The following HMCN1 variants were observed in gnomAD, a reference collection of about 807,000 sequenced individuals.
HMCN1 encodes hemicentin-1.
In HMCN1, 321 loss-of-function variants were observed where a neutral mutation model predicts 625.9. That is an observed-to-expected ratio of 0.51 (90% CI 0.47 to 0.56). HMCN1 has a LOEUF of 0.56. Ranked by LOEUF, HMCN1 falls within the 20% of genes least tolerant of loss-of-function variation. The probability of loss-of-function intolerance (pLI) is 0.00; values close to 1 mark genes in which losing one functional copy is unlikely to be tolerated. For synonymous variants in HMCN1, 2,425 were observed against 2,417.6 expected (o/e 1.00, Z -0.09); for missense variants, 6,588 against 6,887.3 (o/e 0.96, Z 1.54).
intron 11 of HMCN1, among the ~76,000 whole-genome samples, chr1:185,935,904 G>A (rs1177634671): frequency 6.6e-6 from 1 of 152,124 alleles, no homozygotes; most frequent in Non-Finnish European, 1.5e-5. Context: ...ATGATAATAT[G>A]AGAAATGATA....
chr1:186,188,120 C>A, intron 106 of HMCN1, 111 bp downstream of exon 106: 1 of 1,281,024 alleles, frequency 7.8e-7, no homozygotes, highest in South Asian at 1.2e-5. Flanking sequence ...AAGTCACTAA[C>A]TCCAGGAAGA....
At chr1:186,145,984 G>A (rs1650294568) in intron 93 of HMCN1, 61 bp downstream of exon 93, 2 of 1,550,544 alleles carry the variant, frequency 1.3e-6, no homozygotes, top group African/African-American at 2.7e-5. Flanking sequence ...TTAGAGAAAG[G>A]TGCCACAAAT....
intron 4 of HMCN1, among the ~76,000 whole-genome samples, chr1:185,907,605 T>C (rs1271746870): frequency 1.3e-5 from 2 of 152,016 alleles, no homozygotes; most frequent in Non-Finnish European, 2.9e-5. Context: ...TTCTGTCTGG[T>C]TTGAATTTGC....
intron 13 of HMCN1, among the ~76,000 whole-genome samples, chr1:185,964,892 C>G (rs1325040057): frequency 3.3e-5 from 5 of 151,870 alleles, no homozygotes; most frequent in Non-Finnish European, 7.4e-5. Flanking sequence ...GTATTTTGGG[C>G]TATCAGTGAA....
intron 85 of HMCN1, among the ~76,000 whole-genome samples, 164 bp downstream of exon 85, chr1:186,130,861 T>C (rs1184441804): frequency 1.3e-5 from 2 of 152,192 alleles, no homozygotes; most frequent in African/African-American, 2.4e-5. Flanking sequence ...GAAATAGATA[T>C]TTTAGCCCTT....
intron 8 of HMCN1, 50 bp from the exon 9 acceptor site, chr1:185,924,997 G>A: frequency 6.7e-7 from 1 of 1,499,476 alleles, no homozygotes; most frequent in Non-Finnish European, 9.1e-7. Context: ...TAACATCATT[G>A]TGACCTTCTT....
intron 30 of HMCN1, 31 bp from the exon 31 acceptor site, chr1:186,015,128 T>C: frequency 3.1e-6 from 5 of 1,602,496 alleles, no homozygotes; most frequent in Non-Finnish European, 4.3e-6. Context: ...GAAACTTAGA[T>C]GACTTGTTTT....
chr1:185,818,017 A>G (rs1423992930), intron 1 of HMCN1, among the ~76,000 whole-genome samples: 1 of 152,140 alleles, frequency 6.6e-6, no homozygotes, highest in Non-Finnish European at 1.5e-5. Flanking sequence ...GGCTAAGCCC[A>G]ACTCCTTCTT....
chr1:186,138,935 T>G (rs557216090), intron 89 of HMCN1, among the ~76,000 whole-genome samples: 5 of 152,222 alleles, frequency 3.3e-5, no homozygotes, highest in Non-Finnish European at 7.3e-5. Flanking sequence ...AGCACTTACT[T>G]TGTCATCAAG....
intron 1 of HMCN1, among the ~76,000 whole-genome samples, chr1:185,795,904 A>G (rs1427749859): frequency 6.6e-6 from 1 of 152,248 alleles, no homozygotes; most frequent in Non-Finnish European, 1.5e-5. Flanking sequence ...GATCAATGAA[A>G]TGAATAACCT....
At chr1:185,863,051 A>C (rs527419587) in intron 2 of HMCN1, among the ~76,000 whole-genome samples, 19 of 152,336 alleles carry the variant, frequency 1.2e-4, no homozygotes, top group African/African-American at 4.6e-4. Flanking sequence ...TATGGTGTTC[A>C]CGGTATCTGT....
chr1:185,811,859 C>T (rs1239883343), intron 1 of HMCN1, among the ~76,000 whole-genome samples: 1 of 152,102 alleles, frequency 6.6e-6, no homozygotes, highest in African/African-American at 2.4e-5. Context: ...ATTATTTTTG[C>T]ACATTTTTCT....
chr1:186,095,203 A>C (rs750553764), intron 67 of HMCN1, 40 bp from the exon 68 acceptor site: 27 of 1,598,044 alleles, frequency 1.7e-5, no homozygotes, highest in Admixed American at 1.2e-4. Flanking sequence ...CTCAAATTAC[A>C]ATAGACATCC....
At chr1:186,025,216 A>C (rs993106029) in intron 36 of HMCN1, among the ~76,000 whole-genome samples, 11 of 152,122 alleles carry the variant, frequency 7.2e-5, no homozygotes, top group Admixed American at 7.2e-4. Flanking sequence ...CTCAGGTGGT[A>C]ATGCTTGCTC....
chr1:185,876,004 G>T (rs1321337607), intron 4 of HMCN1, among the ~76,000 whole-genome samples: 1 of 151,948 alleles, frequency 6.6e-6, no homozygotes, highest in Non-Finnish European at 1.5e-5. Context: ...GGTTTCTAGT[G>T]TACCTAACAC....
chr1:186,136,776 C>T lies in HMCN1; in HGVS notation c.13421C>T (p.Ser4474Phe), dbSNP rs773263387. The T allele has an allele frequency of 5.0e-6, 8 of 1,613,822 alleles. No individual in the cohort carries two copies. In the Admixed American group the frequency reaches 5.0e-5, roughly 10 times the overall value. The change falls in exon 87 of 107, where the codon TCC (serine) becomes TTC (phenylalanine). Residue 4474 changes from serine (S) to phenylalanine (F), a missense_variant. Coordinates refer to ENST00000271588, the MANE Select transcript of HMCN1 (RefSeq NM_031935.3). ...TGEPQPTITW[S>F]RQGHSISWDD... Reference sequence around the variant, plus strand: ...GAGCCTCAACCAACCATTACATGGTCCCGTCAAGGGCACTCTATTTCCTGG... The same window carrying T: ...GAGCCTCAACCAACCATTACATGGTTCCGTCAAGGGCACTCTATTTCCTGG...
At position 186,112,835 on chromosome 1, in the gene HMCN1, A is replaced by C; in HGVS notation, c.11013A>C (p.Leu3671=). ...RLQATPRVRI[L]SGGRYLQINN... ...AGGCAACACCTCGAGTGCGAATCCT[A>C]TCTGGAGGGAGATACTTGCAAATCA... is the stretch of plus-strand genomic sequence containing the variant. The change falls in exon 72 of 107, where the codon CTA becomes CTC. Residue 3671 remains leucine (L), a synonymous_variant. Coordinates refer to ENST00000271588, the MANE Select transcript of HMCN1 (RefSeq NM_031935.3). The C allele has an allele frequency of 6.2e-7, 1 of 1,614,172 alleles. No homozygotes were observed. The highest frequency in any genetic ancestry group is 8.5e-7 in the Non-Finnish European group (1 of 1,180,008).
chr1:186,001,317 T>C lies in HMCN1; in HGVS notation c.4089T>C (p.Asp1363=), dbSNP rs1388895645. Residue 1363 remains aspartate (D), a synonymous_variant, in exon 27 of 107, where the codon GAT becomes GAC. Transcript: ENST00000271588. ...TTGCAGTTCCTCCAGTAATTAAAGA[T>C]AAAGAACAAGTTACAAATGTGTCGG... The part of the protein sequence containing the change: ...LKVHVPPVIK[D]KEQVTNVSVL... 1.9e-6 allele frequency: 3 copies of C among 1,611,750 alleles called. No individual in the cohort carries two copies. Among genetic ancestry groups the C allele is most frequent in the South Asian group, 1.1e-5 (1 of 91,042 alleles).
chr1:185,916,341 A>C (rs961551383), intron 6 of HMCN1, among the ~76,000 whole-genome samples: 4 of 152,118 alleles, frequency 2.6e-5, no homozygotes, highest in African/African-American at 9.7e-5. Context: ...TTCATTACTT[A>C]AAGTCTTTTT....
Sources: gnomAD v4.1 joint callset for allele counts (sites outside exome capture counted in the v4.1 genomes callset) on GRCh38, gnomAD v4.1.1 for gene constraint, MANE v1.5 for transcripts, NCBI Gene and HGNC (gene_info 2026-07-23, HGNC 2026-07-21) for gene names.